The following ATP9A variants were observed in gnomAD, a reference collection of about 807,000 sequenced individuals.
ATP9A encodes ATPase phospholipid transporting 9A.
A neutral mutation model predicts 144.1 loss-of-function variants in ATP9A; 52 were observed. That is an observed-to-expected ratio of 0.36 (90% CI 0.29 to 0.45). ATP9A has a LOEUF of 0.45. ATP9A is among the 20% of genes least tolerant of loss of function. The pLI is 1.00. For synonymous variants in ATP9A, 582 were observed against 557.4 expected, an observed-to-expected ratio of 1.04 and a Z score of -0.62; for missense variants, 947 against 1,392.7, an observed-to-expected ratio of 0.68 and a Z score of 5.09.
At chr20:51,636,964 G>A (rs559707218) in intron 15 of ATP9A, among the ~76,000 whole-genome samples, 21 of 152,288 alleles carry the variant, frequency 1.4e-4, no homozygotes, top group Non-Finnish European at 2.5e-4. Context: ...GGTGGCGCAC[G>A]CCTGTAATCC....
intron 14 of ATP9A, among the ~76,000 whole-genome samples, chr20:51,642,220 T>C (rs1400078203): frequency 1.3e-5 from 2 of 152,062 alleles, no homozygotes; most frequent in East Asian, 1.9e-4. Flanking sequence ...AGTGGTGCGA[T>C]CTCGGCTCAT....
At chr20:51,734,268 C>T (rs899258110) in intron 1 of ATP9A, among the ~76,000 whole-genome samples, 1 of 152,046 alleles carries the variant, frequency 6.6e-6, no homozygotes, top group African/African-American at 2.4e-5. Context: ...CAGGTGTGAG[C>T]CACCCCACTC....
intron 9 of ATP9A, among the ~76,000 whole-genome samples, chr20:51,684,414 C>A (rs115869580): frequency 6.6e-6 from 1 of 152,058 alleles, no homozygotes; most frequent in African/African-American, 2.4e-5. Context: ...TAAGAAAATA[C>A]GGCCAGGCGC....
At chr20:51,626,013 C>T (rs1223277367) in intron 17 of ATP9A, among the ~76,000 whole-genome samples, 3 of 152,204 alleles carry the variant, frequency 2.0e-5, no homozygotes, top group African/African-American at 7.2e-5. Flanking sequence ...CAGGGCAGGG[C>T]CCCACGAAGC....
chr20:51,669,705 G>A (rs908609919), intron 13 of ATP9A, among the ~76,000 whole-genome samples: 3 of 152,132 alleles, frequency 2.0e-5, no homozygotes, highest in African/African-American at 7.2e-5. Context: ...TAGGGAAGAT[G>A]GGGAAGGACC....
At chr20:51,619,762 G>T (rs921662501) in intron 19 of ATP9A, among the ~76,000 whole-genome samples, 11 of 151,024 alleles carry the variant, frequency 7.3e-5, no homozygotes, top group African/African-American at 2.7e-4. Context: ...CAGCTACTTG[G>T]GAAGGCTGAG....
intron 4 of ATP9A, among the ~76,000 whole-genome samples, chr20:51,711,681 G>A (rs2122848400): frequency 6.6e-6 from 1 of 152,208 alleles, no homozygotes; most frequent in South Asian, 2.1e-4. Flanking sequence ...TAAATCTATT[G>A]TAGTCAGACA....
intron 13 of ATP9A, 149 bp downstream of exon 13, chr20:51,669,848 T>C: frequency 3.1e-6 from 2 of 651,360 alleles, no homozygotes; most frequent in East Asian, 2.7e-5. Flanking sequence ...GCAGTGACAG[T>C]TGCTCAACTC....
At chr20:51,737,095 C>T (rs751954118) in intron 1 of ATP9A, among the ~76,000 whole-genome samples, 1 of 152,206 alleles carries the variant, frequency 6.6e-6, no homozygotes, top group Non-Finnish European at 1.5e-5. Context: ...TCCGCTCTCT[C>T]TCCTACTAAC....
chr20:51,694,236 T>A lies in ATP9A; in HGVS notation c.548-134A>T, dbSNP rs2077561068. On this transcript the variant is annotated intron_variant, in intron 6 of 27. Coordinates refer to ENST00000338821, the MANE Select transcript of ATP9A (RefSeq NM_006045.3). ...CGACCACAAGAGAAAATACATATCC[T>A]ATCTCCTACTTCTTCCATAATAAGC... The A allele has an allele frequency of 1.1e-5, 7 of 611,298 alleles. No homozygotes were observed. In the South Asian group the frequency reaches 1.4e-4, roughly 13 times the overall value. 37.9% of individuals were successfully genotyped at this position (611,298 alleles called of 1,614,324 possible).
intron 27 of ATP9A, among the ~76,000 whole-genome samples, chr20:51,602,870 A>G (rs990265648): frequency 1.3e-5 from 2 of 152,126 alleles, no homozygotes; most frequent in Non-Finnish European, 2.9e-5. Flanking sequence ...ATCTGTTTAT[A>G]ATATTATATA....
At position 51,599,525 on chromosome 20, in the gene ATP9A, G is replaced by A. The variant is rs1325235316; in HGVS notation, c.*1686C>T. The A allele has an allele frequency of 6.6e-6, 1 of 152,180 alleles. No homozygotes were observed. Among genetic ancestry groups the A allele is most frequent in the East Asian group, 1.9e-4 (1 of 5,198 alleles). 9.4% of individuals were successfully genotyped at this position (152,180 alleles called of 1,614,324 possible). On this transcript the variant is annotated 3_prime_UTR_variant, in exon 28 of 28. Transcript: ENST00000338821. ...AAATGGCTGAATCAGATAGAGAAAA[G>A]TACTGCAAAACTGCAGAATCATAAG...
intron 3 of ATP9A, among the ~76,000 whole-genome samples, chr20:51,723,720 C>A (rs1601127958): frequency 6.6e-6 from 1 of 151,856 alleles, no homozygotes; most frequent in African/African-American, 2.4e-5. Flanking sequence ...CCAAGCCCAG[C>A]TAATTTTTGT....
intron 1 of ATP9A, among the ~76,000 whole-genome samples, chr20:51,743,248 T>C (rs866011595): frequency 1.3e-5 from 2 of 152,246 alleles, no homozygotes; most frequent in African/African-American, 4.8e-5. Flanking sequence ...CAAAGCTGTG[T>C]TGTGGCAGCT....
At chr20:51,657,218 G>C (rs2077390873) in intron 13 of ATP9A, 68 bp from the exon 14 acceptor site, 11 of 1,316,424 alleles carry the variant, frequency 8.4e-6, no homozygotes, top group Non-Finnish European at 1.2e-5. Context: ...TGGAAGAACA[G>C]CCGTGCAGCT....
At chr20:51,741,991 T>G (rs757561183) in intron 1 of ATP9A, among the ~76,000 whole-genome samples, 62 of 152,170 alleles carry the variant, frequency 4.1e-4, no homozygotes, top group Non-Finnish European at 8.8e-5. Flanking sequence ...ATAAACTATT[T>G]GTTTAAAATG....
chr20:51,751,425 A>C (rs962211870), intron 1 of ATP9A, among the ~76,000 whole-genome samples: 1 of 151,174 alleles, frequency 6.6e-6, no homozygotes, highest in African/African-American at 2.4e-5. Flanking sequence ...ATGCCCAGCT[A>C]ATTTTTTATT....
intron 4 of ATP9A, among the ~76,000 whole-genome samples, chr20:51,709,225 G>A (rs538893545): frequency 6.6e-6 from 1 of 152,054 alleles, no homozygotes; most frequent in Admixed American, 6.6e-5. Flanking sequence ...GTATTAAAAA[G>A]CAACTGTGGC....
At chr20:51,733,854 T>C (rs1260904824) in intron 1 of ATP9A, among the ~76,000 whole-genome samples, 1 of 152,026 alleles carries the variant, frequency 6.6e-6, no homozygotes, top group Non-Finnish European at 1.5e-5. Context: ...TTTAATATTT[T>C]GTAGAGTGAG....
Sources: gnomAD v4.1 joint callset for allele counts (sites outside exome capture counted in the v4.1 genomes callset) on GRCh38, gnomAD v4.1.1 for gene constraint, MANE v1.5 for transcripts, NCBI Gene and HGNC (gene_info 2026-07-23, HGNC 2026-07-21) for gene names.